Variants in TSHZ3 observed in about 807,000 individuals in gnomAD.
TSHZ3 encodes the protein teashirt homolog 3.
A neutral mutation model predicts 64.5 loss-of-function variants in TSHZ3; 10 were observed. The ratio of observed to expected loss-of-function variants is 0.16; its 90% CI spans 0.10 to 0.26. TSHZ3 has a LOEUF of 0.26. Among genes scored for constraint, TSHZ3 ranks in the 10% least tolerant of loss-of-function variants. The pLI is 1.00. For missense variants in TSHZ3, 1,242 were observed against 1,421.7 expected (o/e 0.87, Z 2.03); for synonymous variants, 608 against 593.1 (o/e 1.03, Z -0.36).
intron 1 of TSHZ3, among the ~76,000 whole-genome samples, chr19:31,248,373 A>C (rs1975785436): frequency 6.6e-6 from 1 of 152,224 alleles, no homozygotes; most frequent in African/African-American, 2.4e-5. Context: ...TTACAAACTT[A>C]AAAAGAAATG....
At chr19:31,151,619 C>T (rs529601911) in exon 7 of TSHZ3, among the ~76,000 whole-genome samples, 26 of 152,244 alleles carry the variant, frequency 1.7e-4, no homozygotes, top group African/African-American at 6.0e-4. Flanking sequence ...TCCCAGCATC[C>T]CCCTTTGCAC....
In TSHZ3 at chr19:31,192,421, A is replaced by C. The variant is rs145074974; in HGVS notation, n.809+12535T>G. ...CTTTGTAAATTTCTTCCAGTTTTATAGCTGTTTATAGTGGGAGAGTAAGTC... is the reference window on the plus strand; with the variant it reads ...CTTTGTAAATTTCTTCCAGTTTTATCGCTGTTTATAGTGGGAGAGTAAGTC... On this transcript the variant is annotated intron_variant and non_coding_transcript_variant, in intron 5 of 6. Transcript: ENST00000651361. Among the ~76,000 whole-genome samples the C allele has an allele frequency of 9.2e-5, 14 of 152,330 alleles. No homozygotes were observed. The East Asian group carries it at 2.7e-3, about 29-fold the overall frequency.
At chr19:31,154,643 T>C (rs1006994149) in intron 6 of TSHZ3, among the ~76,000 whole-genome samples, 2 of 152,190 alleles carry the variant, frequency 1.3e-5, no homozygotes, top group Admixed American at 6.5e-5. Flanking sequence ...ATCTCACAGA[T>C]TGAATCTCAG....
At chr19:31,181,836 C>A (rs1897105486) in intron 5 of TSHZ3, among the ~76,000 whole-genome samples, 1 of 152,082 alleles carries the variant, frequency 6.6e-6, no homozygotes. Flanking sequence ...GAAAAATTGC[C>A]ACCTCGTTGT....
At chr19:31,334,599 C>A (rs1254883525) in intron 1 of TSHZ3, among the ~76,000 whole-genome samples, 1 of 152,182 alleles carries the variant, frequency 6.6e-6, no homozygotes, top group African/African-American at 2.4e-5. Context: ...GAGTCTATGG[C>A]AGCTGAGTTA....
intron 4 of TSHZ3, among the ~76,000 whole-genome samples, chr19:31,206,458 G>T (rs73924599): frequency 0.013 from 1,968 of 152,196 alleles, 39 homozygotes; most frequent in African/African-American, 0.044. Context: ...GACACCAAAA[G>T]CATGTTTTAT....
chr19:31,179,014 CTGATGATGA>C (rs760717001), intron 5 of TSHZ3, among the ~76,000 whole-genome samples: 38 of 112,202 alleles, frequency 3.4e-4, no homozygotes, highest in Admixed American at 5.9e-4. Flanking sequence ...GCAGAAGGCA[CTGATGATGA>C]TGATGATGAT....
intron 1 of TSHZ3, among the ~76,000 whole-genome samples, chr19:31,301,599 A>C (rs897914247): frequency 6.6e-6 from 1 of 152,104 alleles, no homozygotes; most frequent in African/African-American, 2.4e-5. Context: ...ATCGTCATAG[A>C]GCAGGAGACA....
At chr19:31,350,286 C>T (rs1255204951), upstream of TSHZ3, among the ~76,000 whole-genome samples, 4 of 151,328 alleles carry the variant, frequency 2.6e-5, no homozygotes, top group Non-Finnish European at 4.4e-5. Context: ...CAGGACCCGC[C>T]GTAGCCACTT....
intron 5 of TSHZ3, among the ~76,000 whole-genome samples, chr19:31,192,082 A>G (rs971606986): frequency 1.3e-5 from 2 of 152,176 alleles, no homozygotes; most frequent in Admixed American, 6.5e-5. Context: ...TTCATGGAGC[A>G]CTGAAACAAG....
At chr19:31,314,664 C>T (rs1011081744) in intron 1 of TSHZ3, among the ~76,000 whole-genome samples, 1 of 152,180 alleles carries the variant, frequency 6.6e-6, no homozygotes, top group African/African-American at 2.4e-5. Flanking sequence ...ATAATTTTGC[C>T]TCAAGATGCG....
intron 1 of TSHZ3, among the ~76,000 whole-genome samples, chr19:31,283,110 A>G (rs1385996887): frequency 6.6e-6 from 1 of 152,192 alleles, no homozygotes; most frequent in East Asian, 1.9e-4. Flanking sequence ...AGGCAGGCAG[A>G]CTGCCTGAGC....
At chr19:31,160,162 C>A (rs1348929331) in intron 5 of TSHZ3, among the ~76,000 whole-genome samples, 1 of 151,964 alleles carries the variant, frequency 6.6e-6, no homozygotes, top group Non-Finnish European at 1.5e-5. Flanking sequence ...TTATGTATTG[C>A]AAGTAAAGTT....
intron 1 of TSHZ3, among the ~76,000 whole-genome samples, chr19:31,342,223 T>C (rs1035003550): frequency 3.3e-5 from 5 of 152,222 alleles, no homozygotes; most frequent in Non-Finnish European, 7.3e-5. Flanking sequence ...AGAAAACATC[T>C]TGATTGTGGT....
intron 6 of TSHZ3, among the ~76,000 whole-genome samples, chr19:31,152,338 T>C (rs1446162853): frequency 6.6e-6 from 1 of 151,982 alleles, no homozygotes; most frequent in Non-Finnish European, 1.5e-5. Flanking sequence ...CTTCTGTTTT[T>C]TGTCAGCCCA....
chr19:31,274,087 G>A (rs770543458), downstream of TSHZ3, among the ~76,000 whole-genome samples: 30 of 152,088 alleles, frequency 2.0e-4, no homozygotes, highest in South Asian at 1.9e-3. Flanking sequence ...AACCGTAGGC[G>A]TGTTGCCGAA....
At chr19:31,161,755 G>A (rs145704396) in intron 5 of TSHZ3, among the ~76,000 whole-genome samples, 1 of 152,180 alleles carries the variant, frequency 6.6e-6, no homozygotes, top group Non-Finnish European at 1.5e-5. Context: ...CCATGCTGTG[G>A]CAAGCCCTTT....
At chr19:31,159,626 CTA>C (rs553971615) in intron 5 of TSHZ3, among the ~76,000 whole-genome samples, 84 of 152,292 alleles carry the variant, frequency 5.5e-4, no homozygotes, top group African/African-American at 1.9e-3. Context: ...GCTTCACCAA[CTA>C]TAAGGTACCT....
chr19:31,342,500 C>T (rs1241464247), intron 1 of TSHZ3, among the ~76,000 whole-genome samples: 1 of 152,168 alleles, frequency 6.6e-6, no homozygotes, highest in Non-Finnish European at 1.5e-5. Context: ...ACTTACAAGT[C>T]TTTACGTATG....
Sources: gnomAD v4.1 joint callset for allele counts (sites outside exome capture counted in the v4.1 genomes callset) on GRCh38, gnomAD v4.1.1 for gene constraint, MANE v1.5 for transcripts, NCBI Gene and HGNC (gene_info 2026-07-23, HGNC 2026-07-21) for gene names.